The following CRISPLD2 variants were observed in gnomAD, a reference collection of about 807,000 sequenced individuals.
The protein encoded by CRISPLD2 is cysteine rich secretory protein LCCL domain containing 2.
Under a neutral mutation model 71.1 loss-of-function variants are expected in CRISPLD2, and 47 were observed. The observed-to-expected ratio is 0.66, with a 90% CI of 0.52 to 0.84. The LOEUF (loss-of-function observed/expected upper bound fraction) is 0.84. Among genes scored for constraint, CRISPLD2 ranks in the 40% least tolerant of loss-of-function variants. The pLI, the probability that CRISPLD2 is intolerant of heterozygous loss-of-function variation, is 0.00. For missense variants in CRISPLD2, 830 were observed against 651.1 expected (o/e 1.27, Z -2.99); for synonymous variants, 317 against 250.1 (o/e 1.27, Z -2.52).
rs779616732 is a variant in CRISPLD2 at position 84,906,601 on chromosome 16, C to T, written c.1453C>T (p.Arg485Trp). The change falls in exon 15 of 15, where the codon CGG (arginine) becomes TGG (tryptophan). Residue 485 changes from arginine to tryptophan, a missense_variant. Transcript: ENST00000262424. The stretch of plus-strand genomic sequence containing the variant: ...TCTTTTTTTCAGCCTGGGGACTCCT[C>T]GGGATGGAAAGGCCTTCCGGATCTT... ...GVQSESLGTP[R>W]DGKAFRIFAV... is the part of the protein sequence containing the mutation. 9.3e-6 allele frequency: 15 copies of T among 1,613,090 alleles called. No homozygotes were observed. The highest frequency in any genetic ancestry group is 1.3e-5 in the African/African-American group (1 of 74,862).
At position 84,908,602 on chromosome 16, in the gene CRISPLD2, C is replaced by A. The variant is rs2071825258; in HGVS notation, c.*1960C>A. 1 of 152,030 alleles carries A rather than the reference C, an allele frequency of 6.6e-6. No individual in the cohort carries two copies. The highest frequency in any genetic ancestry group is 2.4e-5 in the African/African-American group (1 of 41,380). The allele number at this position is 152,030 out of a possible 1,614,324, so 9.4% of individuals were successfully genotyped here. A position where few individuals can be genotyped will look rare whatever the true frequency, so the allele number is the denominator to read the frequency against. ...GACCCCATCATTTAAAAATAAAGTCCCCGGGTTCCTTAATGCCTCCTTCAC... is the reference window on the plus strand; with the variant it reads ...GACCCCATCATTTAAAAATAAAGTCACCGGGTTCCTTAATGCCTCCTTCAC... On this transcript the variant is annotated 3_prime_UTR_variant, in exon 15 of 15. Coordinates refer to ENST00000262424, the MANE Select transcript of CRISPLD2 (RefSeq NM_031476.4).
chr16:84,857,211 C>A (rs1297840405), intron 6 of CRISPLD2, among the ~76,000 whole-genome samples: 1 of 152,216 alleles, frequency 6.6e-6, no homozygotes, highest in African/African-American at 2.4e-5. Flanking sequence ...ACCTCCACTC[C>A]TGCCAACACG....
At chr16:84,841,138 G>A (rs544626393) in intron 2 of CRISPLD2, among the ~76,000 whole-genome samples, 1 of 152,172 alleles carries the variant, frequency 6.6e-6, no homozygotes, top group Non-Finnish European at 1.5e-5. Context: ...GAAGAAATAC[G>A]GGGAGCTGCA....
At chr16:84,856,989 G>A (rs952329619) in intron 6 of CRISPLD2, among the ~76,000 whole-genome samples, 1 of 152,256 alleles carries the variant, frequency 6.6e-6, no homozygotes, top group Non-Finnish European at 1.5e-5. Context: ...GTAAGCATGT[G>A]TTCCAGTGAG....
chr16:84,895,458 A>T (rs957882275), intron 14 of CRISPLD2, among the ~76,000 whole-genome samples: 3 of 152,220 alleles, frequency 2.0e-5, no homozygotes, highest in African/African-American at 7.2e-5. Flanking sequence ...AGCAAAAAGT[A>T]AGAGTCCCAA....
chr16:84,851,364 C>A (rs1184350194), intron 5 of CRISPLD2, among the ~76,000 whole-genome samples: 3 of 152,230 alleles, frequency 2.0e-5, no homozygotes, highest in African/African-American at 7.2e-5. Context: ...TGTGCTGATT[C>A]TTGGAGAGTC....
At chr16:84,831,364 G>A (rs931133451) in intron 1 of CRISPLD2, among the ~76,000 whole-genome samples, 4 of 152,146 alleles carry the variant, frequency 2.6e-5, no homozygotes, top group Admixed American at 6.6e-5. Context: ...TTCAAATTCA[G>A]TAGAGGGTCC....
At chr16:84,858,321 C>A (rs1215219395) in intron 6 of CRISPLD2, among the ~76,000 whole-genome samples, 1 of 152,172 alleles carries the variant, frequency 6.6e-6, no homozygotes, top group Non-Finnish European at 1.5e-5. Flanking sequence ...GATAAATGAG[C>A]CAGAGTAACG....
chr16:84,889,145 C>T, intron 13 of CRISPLD2, 85 bp from the exon 14 acceptor site: 1 of 1,585,332 alleles, frequency 6.3e-7, no homozygotes, highest in Non-Finnish European at 8.6e-7. Flanking sequence ...GCCAGGTTGC[C>T]CAGCAGTGAA....
intron 2 of CRISPLD2, among the ~76,000 whole-genome samples, chr16:84,844,142 T>G (rs1480019198): frequency 1.3e-5 from 2 of 152,246 alleles, no homozygotes; most frequent in African/African-American, 2.4e-5. Context: ...GCCTGGCATC[T>G]GTTCCTCCAC....
rs930057252 is a variant in CRISPLD2, at chr16:84,907,529, G to C, written c.*887G>C. 1 of 152,174 alleles carries C rather than the reference G, an allele frequency of 6.6e-6. No homozygotes were observed. The highest frequency in any genetic ancestry group is 1.5e-5 in the Non-Finnish European group (1 of 68,050). 9.4% of individuals were successfully genotyped at this position (152,174 alleles called of 1,614,324 possible). On this transcript the variant is annotated 3_prime_UTR_variant, in exon 15 of 15. Coordinates refer to ENST00000262424, the MANE Select transcript of CRISPLD2 (RefSeq NM_031476.4). ...ACACCCAGGACTTTTCTTTGCAAGC[G>C]AACCTGTTTGAAGCCCAAGTCTTAA...
intron 14 of CRISPLD2, among the ~76,000 whole-genome samples, chr16:84,890,541 G>A (rs2071652552): frequency 6.6e-6 from 1 of 152,214 alleles, no homozygotes; most frequent in South Asian, 2.1e-4. Context: ...ATCCCAGGGA[G>A]CAGATCCTCC....
intron 14 of CRISPLD2, among the ~76,000 whole-genome samples, chr16:84,905,113 T>C (rs1222725121): frequency 6.6e-6 from 1 of 152,122 alleles, no homozygotes; most frequent in Non-Finnish European, 1.5e-5. Context: ...AGACTCCATC[T>C]GTACAAAAAA....
intron 1 of CRISPLD2, among the ~76,000 whole-genome samples, chr16:84,831,775 C>A (rs1916494260): frequency 6.6e-6 from 1 of 152,164 alleles, no homozygotes; most frequent in Non-Finnish European, 1.5e-5. Context: ...TGCCGTGTCA[C>A]CCAGGCGGGA....
At chr16:84,823,631 A>C (rs1433437870) in intron 1 of CRISPLD2, among the ~76,000 whole-genome samples, 1 of 152,192 alleles carries the variant, frequency 6.6e-6, no homozygotes, top group African/African-American at 2.4e-5. Flanking sequence ...CTTCTACCCC[A>C]GGCTGTACAA....
chr16:84,867,441 G>C (rs1917572486), intron 7 of CRISPLD2, among the ~76,000 whole-genome samples: 1 of 152,240 alleles, frequency 6.6e-6, no homozygotes, highest in Non-Finnish European at 1.5e-5. Context: ...TCTGGACTCA[G>C]TTGGCGCATC....
chr16:84,869,872 A>T (rs73251508), intron 8 of CRISPLD2, among the ~76,000 whole-genome samples: 1,771 of 152,352 alleles, frequency 0.012, 36 homozygotes, highest in African/African-American at 0.04. Flanking sequence ...CAGTGGAAAA[A>T]GGTGAGCACG....
intron 14 of CRISPLD2, among the ~76,000 whole-genome samples, chr16:84,889,749 T>C (rs1296177314): frequency 7.1e-6 from 1 of 141,040 alleles, no homozygotes; most frequent in Non-Finnish European, 1.5e-5. Flanking sequence ...CGGTTGTTTT[T>C]CTTTGTGTGT....
chr16:84,841,583 C>T (rs536485436), intron 2 of CRISPLD2, among the ~76,000 whole-genome samples: 2 of 151,468 alleles, frequency 1.3e-5, no homozygotes, highest in African/African-American at 4.8e-5. Flanking sequence ...GGAGAGGATG[C>T]ATTTATGACT....
Sources: allele counts gnomAD v4.1 joint callset (sites outside exome capture counted in the v4.1 genomes callset), GRCh38; gene constraint gnomAD v4.1.1; transcripts MANE v1.5; gene names NCBI Gene and HGNC (gene_info 2026-07-23, HGNC 2026-07-21).